Variants in GSAP observed in about 807,000 individuals in gnomAD.
The protein encoded by GSAP is gamma-secretase activating protein.
In GSAP, 118 loss-of-function variants were observed where a neutral mutation model predicts 131.7. The observed-to-expected ratio is 0.90, with a 90% CI of 0.77 to 1.04. GSAP has a LOEUF of 1.04. Ranked by LOEUF, GSAP falls within the 50% of genes least tolerant of loss-of-function variation. GSAP has a pLI of 0.00. For missense variants in GSAP, 1,019 were observed against 1,013.2 expected, an observed-to-expected ratio of 1.01 and a Z score of -0.08; for synonymous variants, 381 against 363.4, an observed-to-expected ratio of 1.05 and a Z score of -0.55.
intron 5 of GSAP, among the ~76,000 whole-genome samples, chr7:77,393,149 A>T (rs903986128): frequency 6.6e-6 from 1 of 152,226 alleles, no homozygotes; most frequent in Non-Finnish European, 1.5e-5. Context: ...TGTCTCATCT[A>T]CAGTGGAAAA....
At chr7:77,356,141 G>T (rs1020955478) in intron 14 of GSAP, among the ~76,000 whole-genome samples, 3 of 151,980 alleles carry the variant, frequency 2.0e-5, no homozygotes, top group African/African-American at 7.3e-5. Context: ...CCAAATGCTG[G>T]GATTACAAGC....
At chr7:77,352,914 T>C (rs1431923590) in intron 18 of GSAP, 30 bp downstream of exon 18, 9 of 1,263,208 alleles carry the variant, frequency 7.1e-6, no homozygotes, top group Admixed American at 1.7e-5. Context: ...TTGATTTTAT[T>C]TGCATACAGC....
intron 14 of GSAP, among the ~76,000 whole-genome samples, chr7:77,359,965 T>A (rs935856110): frequency 3.3e-5 from 5 of 152,102 alleles, no homozygotes; most frequent in African/African-American, 1.2e-4. Context: ...AATTCAGAGA[T>A]CATGTTAAAA....
chr7:77,361,248 A>G (rs1794485820), intron 13 of GSAP, among the ~76,000 whole-genome samples: 1 of 152,224 alleles, frequency 6.6e-6, no homozygotes, highest in African/African-American at 2.4e-5. Context: ...GCTCACCGCC[A>G]CACACGTGCA....
chr7:77,410,713 TA>T (rs1803111522), intron 1 of GSAP, among the ~76,000 whole-genome samples: 1 of 152,216 alleles, frequency 6.6e-6, no homozygotes, highest in Admixed American at 6.5e-5. Flanking sequence ...TTTACAGGAA[TA>T]GGGGTTCTCA....
chr7:77,379,073 A>C (rs1242745766), intron 8 of GSAP, among the ~76,000 whole-genome samples: 1 of 152,210 alleles, frequency 6.6e-6, no homozygotes, highest in Non-Finnish European at 1.5e-5. Context: ...GTGATGCCAG[A>C]GAAAAGATCC....
At chr7:77,416,585 C>T (rs1346897555), upstream of GSAP, 8 of 332,552 alleles carry the variant, frequency 2.4e-5, no homozygotes, top group Middle Eastern at 8.3e-4. Flanking sequence ...GGACCAGGCC[C>T]GCCGGGGCGG....
intron 16 of GSAP, among the ~76,000 whole-genome samples, chr7:77,354,274 T>C (rs921845947): frequency 2.0e-5 from 3 of 152,222 alleles, no homozygotes; most frequent in Non-Finnish European, 4.4e-5. Context: ...TATGTTATTG[T>C]ACTTATTTTC....
intron 3 of GSAP, among the ~76,000 whole-genome samples, chr7:77,399,648 AC>A (rs761718566): frequency 6.7e-6 from 1 of 150,112 alleles, no homozygotes; most frequent in African/African-American, 2.5e-5. Context: ...CATAAGTAAT[AC>A]ACTGCTTCCC....
chr7:77,333,877 A>G (rs1327993221), intron 19 of GSAP, among the ~76,000 whole-genome samples: 2 of 152,160 alleles, frequency 1.3e-5, no homozygotes, highest in Non-Finnish European at 2.9e-5. Flanking sequence ...AAGACACACC[A>G]TCGCACCACT....
At chr7:77,328,673 A>C in intron 21 of GSAP, 36 bp from the exon 22 acceptor site, 1 of 1,312,000 alleles carries the variant, frequency 7.6e-7, no homozygotes, top group Non-Finnish European at 1.1e-6. Flanking sequence ...CACAGACAGC[A>C]TTGCTTTTAA....
intron 28 of GSAP, among the ~76,000 whole-genome samples, chr7:77,313,090 C>A (rs186639052): frequency 1.3e-5 from 2 of 152,156 alleles, no homozygotes; most frequent in African/African-American, 2.4e-5. Flanking sequence ...GGTAGAAATG[C>A]AGTAAGGGGA....
chr7:77,369,319 A>AT, intron 12 of GSAP, among the ~76,000 whole-genome samples: 1 of 152,284 alleles, frequency 6.6e-6, no homozygotes, highest in Admixed American at 6.5e-5. Flanking sequence ...TTATTAGAAA[A>AT]ATATATATAA....
chr7:77,409,627 A>G (rs957628711), intron 1 of GSAP, among the ~76,000 whole-genome samples: 5 of 152,202 alleles, frequency 3.3e-5, no homozygotes, highest in African/African-American at 7.2e-5. Context: ...CATCCTGTAC[A>G]CGACTCAAAA....
At position 77,330,307 on chromosome 7, in the gene GSAP, C is replaced by A; in HGVS notation, c.1606G>T (p.Ala536Ser). Residue 536 changes from alanine (A) to serine (S), a missense_variant, in exon 20 of 31, where the codon GCC (alanine) becomes TCC (serine). By Grantham distance (99) the Ala-to-Ser change is moderately conservative. Coordinates refer to ENST00000257626, the MANE Select transcript of GSAP (RefSeq NM_017439.4). ...LNSNLEYVKY[A>S]KPHFHYNNSV... ...TTGTTATAGTGGAAGTGTGGCTTGG[C>A]GTACTTAACATATTCTAGGTTGGAG... 6.2e-7 allele frequency: 1 copy of A among 1,613,846 alleles called. No homozygotes were observed. Among genetic ancestry groups the A allele is most frequent in the African/African-American group, 1.3e-5 (1 of 75,018 alleles).
chr7:77,383,071 C>CAGCT (rs936354546), intron 6 of GSAP, among the ~76,000 whole-genome samples: 14 of 152,080 alleles, frequency 9.2e-5, no homozygotes, highest in African/African-American at 3.4e-4. Context: ...CCTGTAGTCC[C>CAGCT]AGCTACTCAG....
intron 23 of GSAP, among the ~76,000 whole-genome samples, chr7:77,323,987 G>T (rs540940415): frequency 2.6e-5 from 4 of 152,288 alleles, no homozygotes; most frequent in Admixed American, 2.6e-4. Flanking sequence ...TGCGAGTAAG[G>T]CTCTAACTCT....
At chr7:77,352,826 T>C in intron 18 of GSAP, 118 bp downstream of exon 18, 1 of 591,642 alleles carries the variant, frequency 1.7e-6, no homozygotes, top group South Asian at 2.5e-5. Flanking sequence ...CTGAGTTCTT[T>C]ATCAGTCAAA....
chr7:77,353,755 C>T (rs1292970313), intron 16 of GSAP, 114 bp from the exon 17 acceptor site: 1 of 648,168 alleles, frequency 1.5e-6, no homozygotes, highest in Non-Finnish European at 2.7e-6. Flanking sequence ...TTTAGAATTG[C>T]CTAAGAATAT....
Sources: gnomAD v4.1 joint callset for allele counts (sites outside exome capture counted in the v4.1 genomes callset) on GRCh38, gnomAD v4.1.1 for gene constraint, MANE v1.5 for transcripts, NCBI Gene and HGNC (gene_info 2026-07-23, HGNC 2026-07-21) for gene names.